SGCZ: variants seen among roughly 807,000 people sequenced by gnomAD.
The protein encoded by SGCZ is zeta-sarcoglycan.
SGCZ carries 40 observed loss-of-function variants against 41.3 expected under a neutral mutation model. The observed-to-expected ratio is 0.97, with a 90% confidence interval of 0.75 to 1.26. SGCZ has a LOEUF of 1.26. Ranked by LOEUF, SGCZ falls within the 50% of genes most tolerant of loss-of-function variation. The pLI is 0.00. For missense variants in SGCZ, 552 were observed against 369.8 expected (o/e 1.49, Z -4.04); for synonymous variants, 206 against 137.5 (o/e 1.50, Z -3.49).
At chr8:15,107,743 C>T (rs948672472) in intron 1 of SGCZ, among the ~76,000 whole-genome samples, 6 of 152,152 alleles carry the variant, frequency 3.9e-5, no homozygotes, top group Non-Finnish European at 8.8e-5. Context: ...CTCCATACCT[C>T]AATGTTTGTA....
chr8:15,172,985 T>G (rs1468819761), intron 1 of SGCZ, among the ~76,000 whole-genome samples: 1 of 152,244 alleles, frequency 6.6e-6, no homozygotes, highest in Non-Finnish European at 1.5e-5. Flanking sequence ...TTGACTATTC[T>G]GAACTTTTTT....
chr8:14,244,947 T>C (rs1387115459), intron 3 of SGCZ, among the ~76,000 whole-genome samples: 2 of 152,098 alleles, frequency 1.3e-5, no homozygotes, highest in Non-Finnish European at 2.9e-5. Flanking sequence ...TGATTTTGTA[T>C]CCTGAGACTT....
intron 2 of SGCZ, among the ~76,000 whole-genome samples, chr8:14,502,340 A>G (rs1802178500): frequency 6.6e-6 from 1 of 152,320 alleles, no homozygotes; most frequent in Admixed American, 6.5e-5. Context: ...ACCATGTCTC[A>G]ATCAGGCAAT....
chr8:14,757,442 T>A (rs2130341672), intron 1 of SGCZ, among the ~76,000 whole-genome samples: 1 of 152,208 alleles, frequency 6.6e-6, no homozygotes, highest in Admixed American at 6.5e-5. Context: ...GAAGCAGGAG[T>A]ACTGATAGAA....
At chr8:14,268,236 G>T (rs961076078) in intron 3 of SGCZ, among the ~76,000 whole-genome samples, 51 of 148,944 alleles carry the variant, frequency 3.4e-4, no homozygotes, top group African/African-American at 1.0e-3. Context: ...TATATGTATA[G>T]AAATTATATA....
intron 2 of SGCZ, among the ~76,000 whole-genome samples, chr8:14,389,732 CGCAAAGA>C (rs1274156429): frequency 6.6e-6 from 1 of 151,820 alleles, no homozygotes; most frequent in African/African-American, 2.4e-5. Context: ...TGAAGAAACT[CGCAAAGA>C]GCAAACATCT....
chr8:14,538,905 A>G (rs1010859737), intron 2 of SGCZ, among the ~76,000 whole-genome samples: 4 of 151,980 alleles, frequency 2.6e-5, no homozygotes, highest in South Asian at 4.1e-4. Flanking sequence ...AAGTAGGTCA[A>G]TTAGAAAGCT....
chr8:14,618,720 G>T (rs1030085320), intron 1 of SGCZ, among the ~76,000 whole-genome samples: 2 of 152,136 alleles, frequency 1.3e-5, no homozygotes, highest in Non-Finnish European at 2.9e-5. Flanking sequence ...AGTAATTCAG[G>T]AAACAAATGA....
rs186373225 is a variant in SGCZ at position 15,147,572 on chromosome 8, C to G, written c.39+90013G>C. Among the ~76,000 whole-genome samples, 554 of 152,298 alleles carry G rather than the reference C, an allele frequency of 3.6e-3. 4 individuals carry two copies. Among genetic ancestry groups the G allele is most frequent in the African/African-American group, 0.012 (484 of 41,570 alleles). Reference sequence around the variant, plus strand: ...GGATCACAGGCGTGAGCTGCCGTACCCGGCTGACACTTCCGTTTTATTGGG... The same window carrying G: ...GGATCACAGGCGTGAGCTGCCGTACGCGGCTGACACTTCCGTTTTATTGGG... On this transcript the variant is annotated intron_variant, in intron 1 of 7. Transcript: ENST00000382080.
At chr8:14,094,772 T>C (rs1801792381) in intron 7 of SGCZ, among the ~76,000 whole-genome samples, 1 of 152,170 alleles carries the variant, frequency 6.6e-6, no homozygotes, top group Non-Finnish European at 1.5e-5. Context: ...AGCATTCCTA[T>C]TTCTCCACAT....
At chr8:14,776,060 T>A (rs1248428133) in intron 1 of SGCZ, among the ~76,000 whole-genome samples, 2 of 152,140 alleles carry the variant, frequency 1.3e-5, no homozygotes, top group Admixed American at 6.5e-5. Context: ...AATGAAGACA[T>A]TCAAAAGTTA....
chr8:14,848,944 C>A (rs1025336598), intron 1 of SGCZ, among the ~76,000 whole-genome samples: 6 of 151,948 alleles, frequency 3.9e-5, no homozygotes, highest in Admixed American at 2.6e-4. Flanking sequence ...TAAAGGATTT[C>A]TATCAAAATA....
intron 1 of SGCZ, among the ~76,000 whole-genome samples, chr8:15,060,048 C>T (rs1804861090): frequency 6.6e-6 from 1 of 152,134 alleles, no homozygotes; most frequent in African/African-American, 2.4e-5. Flanking sequence ...AGCAAGCAAC[C>T]TTAAGGGATG....
intron 1 of SGCZ, among the ~76,000 whole-genome samples, chr8:15,236,871 C>T (rs1468836519): frequency 3.3e-5 from 5 of 152,028 alleles, no homozygotes; most frequent in African/African-American, 1.2e-4. Context: ...CCGGAGCCTC[C>T]GCAGATGCCG....
intron 2 of SGCZ, among the ~76,000 whole-genome samples, chr8:14,417,703 G>T (rs553411822): frequency 1.3e-5 from 2 of 151,804 alleles, no homozygotes; most frequent in Admixed American, 6.6e-5. Context: ...TTTGCTAAGG[G>T]AGTAGATAGC....
intron 1 of SGCZ, among the ~76,000 whole-genome samples, chr8:14,943,138 G>A (rs1327635407): frequency 1.3e-5 from 2 of 151,266 alleles, no homozygotes; most frequent in Non-Finnish European, 3.0e-5. Context: ...CAAAATACTT[G>A]CCCTGTTCCC....
chr8:15,144,814 A>G (rs1228615382), intron 1 of SGCZ, among the ~76,000 whole-genome samples: 1 of 152,218 alleles, frequency 6.6e-6, no homozygotes, highest in Non-Finnish European at 1.5e-5. Context: ...GAAAAGCAGC[A>G]GTGCTTAGGG....
At chr8:15,220,652 G>C (rs268343) in intron 1 of SGCZ, among the ~76,000 whole-genome samples, 128,506 of 152,080 alleles carry the variant, frequency 0.84, 54,896 homozygotes, top group Non-Finnish European at 0.91. Context: ...ACCCCATGAT[G>C]CCATTACTGG....
intron 2 of SGCZ, among the ~76,000 whole-genome samples, chr8:14,484,999 TGTAA>T (rs1298850134): frequency 3.9e-5 from 6 of 152,200 alleles, no homozygotes; most frequent in African/African-American, 1.4e-4. Flanking sequence ...GCTCACACAC[TGTAA>T]GTATTTTGTT....
Sources: allele counts gnomAD v4.1 joint callset (sites outside exome capture counted in the v4.1 genomes callset), GRCh38; gene constraint gnomAD v4.1.1; transcripts MANE v1.5; gene names NCBI Gene and HGNC (gene_info 2026-07-23, HGNC 2026-07-21).